The following LEKR1 variants were observed in gnomAD, a reference collection of about 807,000 sequenced individuals.
The protein encoded by LEKR1 is protein LEKR1.
In LEKR1, 59 loss-of-function variants were observed where a neutral mutation model predicts 72.4. The observed-to-expected ratio is 0.82, with a 90% CI of 0.66 to 1.01. LEKR1 has a LOEUF of 1.01. LEKR1 is among the 50% of genes least tolerant of loss of function. LEKR1 has a pLI of 0.00. For synonymous variants in LEKR1, 257 were observed against 263.2 expected (o/e 0.98, Z 0.23); for missense variants, 728 against 759.2 (o/e 0.96, Z 0.48).
intron 3 of LEKR1, among the ~76,000 whole-genome samples, chr3:156,873,062 G>A (rs913404818): frequency 6.6e-6 from 1 of 151,984 alleles, no homozygotes; most frequent in African/African-American, 2.4e-5. Context: ...ATTGGAGTCT[G>A]TCTCACCTTT....
At chr3:156,867,302 A>G (rs1717422424) in intron 3 of LEKR1, among the ~76,000 whole-genome samples, 1 of 152,086 alleles carries the variant, frequency 6.6e-6, no homozygotes, top group African/African-American at 2.4e-5. Flanking sequence ...TGCTATCAGT[A>G]ATTATTCTTG....
intron 2 of LEKR1, among the ~76,000 whole-genome samples, chr3:156,851,904 A>T (rs1381013127): frequency 6.6e-6 from 1 of 152,146 alleles, no homozygotes; most frequent in East Asian, 1.9e-4. Flanking sequence ...GGCTACTGAG[A>T]AATATTTATA....
chr3:156,899,307 T>C (rs191176249), intron 3 of LEKR1, among the ~76,000 whole-genome samples: 5 of 145,128 alleles, frequency 3.4e-5, no homozygotes, highest in South Asian at 2.1e-4. Flanking sequence ...CATATATACA[T>C]ACACACATGT....
At chr3:156,886,913 C>G (rs918893851) in intron 3 of LEKR1, among the ~76,000 whole-genome samples, 8 of 152,110 alleles carry the variant, frequency 5.3e-5, no homozygotes, top group African/African-American at 1.9e-4. Context: ...TATGTGTCTT[C>G]CTGGTATGTT....
chr3:156,901,090 C>G (rs1721987606), intron 3 of LEKR1, among the ~76,000 whole-genome samples: 1 of 151,542 alleles, frequency 6.6e-6, no homozygotes, highest in South Asian at 2.1e-4. Context: ...CTCGCCAACC[C>G]CAGTAGCTGG....
chr3:157,020,680 G>T (rs1733760671), intron 10 of LEKR1, among the ~76,000 whole-genome samples: 1 of 151,624 alleles, frequency 6.6e-6, no homozygotes, highest in South Asian at 2.1e-4. Context: ...GTCTATCATT[G>T]TTGGACATTT....
chr3:156,967,956 G>A (rs1482588152), intron 6 of LEKR1, among the ~76,000 whole-genome samples: 1 of 152,200 alleles, frequency 6.6e-6, no homozygotes, highest in African/African-American at 2.4e-5. Flanking sequence ...CCAGAAGAGA[G>A]GCGGGGCCAA....
intron 6 of LEKR1, among the ~76,000 whole-genome samples, chr3:156,962,891 A>G (rs1728246625): frequency 6.6e-6 from 1 of 152,132 alleles, no homozygotes; most frequent in South Asian, 2.1e-4. Context: ...TTCTAAGGCT[A>G]GACTTTAGCT....
At chr3:157,045,232 CA>C in intron 12 of LEKR1, 107 bp from the exon 13 acceptor site, 2 of 858,098 alleles carry the variant, frequency 2.3e-6, no homozygotes, top group Non-Finnish European at 3.6e-6. Flanking sequence ...ACAAAGAATA[CA>C]GACCTCTGAT....
intron 2 of LEKR1, among the ~76,000 whole-genome samples, chr3:156,839,992 A>T (rs1394882319): frequency 2.0e-5 from 3 of 151,886 alleles, no homozygotes; most frequent in Admixed American, 2.0e-4. Flanking sequence ...AGCAACACCA[A>T]CCCCTCCTCT....
intron 5 of LEKR1, among the ~76,000 whole-genome samples, chr3:156,932,947 G>T (rs987277292): frequency 5.9e-5 from 9 of 151,792 alleles, no homozygotes; most frequent in Admixed American, 1.3e-4. Context: ...GCAGAATGGC[G>T]TGAACCCGGG....
chr3:156,839,323 A>G (rs1045173898), intron 2 of LEKR1, among the ~76,000 whole-genome samples: 4 of 152,198 alleles, frequency 2.6e-5, no homozygotes, highest in East Asian at 3.8e-4. Context: ...TATGGAAAGG[A>G]CTGTCAATGC....
At chr3:157,002,648 A>G (rs188683197) in intron 9 of LEKR1, among the ~76,000 whole-genome samples, 7 of 152,322 alleles carry the variant, frequency 4.6e-5, no homozygotes, top group African/African-American at 1.4e-4. Flanking sequence ...TCAAAGCGGT[A>G]TAAAAGTCCT....
rs1312557405 is a variant in LEKR1 at position 156,920,851 on chromosome 3, TTA to T, written c.383+159_383+160del. On this transcript the variant is annotated intron_variant, in intron 4 of 12. Coordinates refer to ENST00000356539, the MANE Select transcript of LEKR1 (RefSeq NM_001004316.3). ...GTTTTCTTTTTTCTTTTTTAAACCA[TTA>T]TCTCAATGAATAGTGTTGCTAATTA... The T allele has an allele frequency of 3.1e-5, 15 of 485,294 alleles. No individual in the cohort carries two copies. The East Asian group carries it at 5.3e-4, about 17-fold the overall frequency. 30.1% of individuals were successfully genotyped at this position (485,294 alleles called of 1,614,324 possible).
At chr3:156,885,994 G>T (rs140831323) in intron 3 of LEKR1, among the ~76,000 whole-genome samples, 6 of 152,166 alleles carry the variant, frequency 3.9e-5, no homozygotes, top group Non-Finnish European at 8.8e-5. Context: ...TTGGTTTCTC[G>T]GGTTATGGGT....
chr3:156,851,000 G>T (rs1373359164), intron 2 of LEKR1, among the ~76,000 whole-genome samples: 3 of 152,078 alleles, frequency 2.0e-5, no homozygotes, highest in East Asian at 3.9e-4. Context: ...CAGATCTAAG[G>T]TTGCATTAGA....
intron 3 of LEKR1, among the ~76,000 whole-genome samples, chr3:156,907,696 G>C (rs1350530789): frequency 6.6e-6 from 1 of 152,098 alleles, no homozygotes; most frequent in Non-Finnish European, 1.5e-5. Context: ...AGTACAGATA[G>C]TTTTCAGATA....
At chr3:156,914,897 G>A (rs1361633967) in intron 3 of LEKR1, among the ~76,000 whole-genome samples, 4 of 151,994 alleles carry the variant, frequency 2.6e-5, no homozygotes, top group African/African-American at 9.7e-5. Context: ...CAAGTACTAG[G>A]CCTAGTATCC....
chr3:156,942,687 T>C lies in LEKR1; in HGVS notation c.718T>C (p.Cys240Arg). The change falls in exon 6 of 13, where the codon TGC (cysteine) becomes CGC (arginine). Residue 240 changes from cysteine to arginine, a missense_variant. Transcript: ENST00000356539. ...ACAGGAAGTAAACTTGCAAACCAGA[T>C]GCTATGATTTGCAAAAAGAAGTACT... is the stretch of plus-strand genomic sequence containing the variant. ...RQQEVNLQTRCYDLQKEVLDL... is the reference protein window; with the variant it reads ...RQQEVNLQTRRYDLQKEVLDL... 8.0e-7 allele frequency: 1 copy of C among 1,255,714 alleles called. No homozygotes were observed. The highest frequency in any genetic ancestry group is 1.0e-6 in the Non-Finnish European group (1 of 977,064). 77.8% of individuals were successfully genotyped at this position (1,255,714 alleles called of 1,614,324 possible). A position where few individuals can be genotyped will look rare whatever the true frequency, so the allele number is the denominator to read the frequency against.
Sources: allele counts gnomAD v4.1 joint callset (sites outside exome capture counted in the v4.1 genomes callset), GRCh38; gene constraint gnomAD v4.1.1; transcripts MANE v1.5; gene names NCBI Gene and HGNC (gene_info 2026-07-23, HGNC 2026-07-21).